The following CNN3 variants were observed in gnomAD, a reference collection of about 807,000 sequenced individuals.
CNN3 encodes the protein calponin 3.
A neutral mutation model predicts 39.0 loss-of-function variants in CNN3; 11 were observed. That is an observed-to-expected ratio of 0.28 (90% CI 0.18 to 0.47). The LOEUF (loss-of-function observed/expected upper bound fraction) is 0.47, where lower values mean the gene tolerates loss of function less well. Ranked by LOEUF, CNN3 falls within the 20% of genes least tolerant of loss-of-function variation. CNN3 has a pLI of 0.99. For missense variants in CNN3, 266 were observed against 403.4 expected, an observed-to-expected ratio of 0.66 and a Z score of 2.92; for synonymous variants, 101 against 138.3, an observed-to-expected ratio of 0.73 and a Z score of 1.89.
In CNN3 at chr1:94,920,842, C is replaced by T. The variant is rs116378448; in HGVS notation, c.57+5996G>A. Among the ~76,000 whole-genome samples, 422 of 152,220 alleles carry T rather than the reference C, an allele frequency of 2.8e-3. 1 individual carries two copies. The highest frequency in any genetic ancestry group is 8.7e-3 in the African/African-American group (363 of 41,514). On this transcript the variant is annotated intron_variant, in intron 1 of 6. Transcript: ENST00000370206. Reference sequence around the variant, plus strand: ...ATTTATATATTTTTCATAATGAGGACCCCCAAATTGTATAAACTTCGTCCC... The same window carrying T: ...ATTTATATATTTTTCATAATGAGGATCCCCAAATTGTATAAACTTCGTCCC...
chr1:94,921,928 G>A (rs1027149540), intron 1 of CNN3, among the ~76,000 whole-genome samples: 10 of 152,168 alleles, frequency 6.6e-5, no homozygotes, highest in Non-Finnish European at 1.3e-4. Context: ...CAAAGTCCCT[G>A]GCTGAATGGC....
chr1:94,925,881 C>A (rs956321659), intron 1 of CNN3: 36 of 932,622 alleles, frequency 3.9e-5, no homozygotes, highest in Non-Finnish European at 4.0e-5. Flanking sequence ...TCTCTCCCCC[C>A]AGAAACCCCT....
chr1:94,917,113 C>T (rs945690144), intron 1 of CNN3, among the ~76,000 whole-genome samples: 18 of 152,094 alleles, frequency 1.2e-4, no homozygotes, highest in African/African-American at 3.9e-4. Flanking sequence ...CTTGGCTCAC[C>T]GCAGCCTCTG....
intron 1 of CNN3, among the ~76,000 whole-genome samples, chr1:94,916,613 C>G (rs1361726514): frequency 1.3e-5 from 2 of 152,196 alleles, no homozygotes; most frequent in African/African-American, 4.8e-5. Flanking sequence ...GGTCTGCCCT[C>G]TCTGGACTCA....
At chr1:94,908,754 TG>T (rs1358366173) in intron 1 of CNN3, among the ~76,000 whole-genome samples, 1 of 152,152 alleles carries the variant, frequency 6.6e-6, no homozygotes, top group African/African-American at 2.4e-5. Context: ...TTGGTCAGGC[TG>T]GTCTTGAACT....
At chr1:94,901,421 A>G (rs1670865470) in intron 5 of CNN3, among the ~76,000 whole-genome samples, 1 of 151,818 alleles carries the variant, frequency 6.6e-6, no homozygotes, top group Non-Finnish European at 1.5e-5. Context: ...AAAAAAGACA[A>G]TATGATTCAA....
intron 5 of CNN3, among the ~76,000 whole-genome samples, chr1:94,901,396 CTTT>C (rs776675219): frequency 2.8e-5 from 3 of 106,648 alleles, no homozygotes; most frequent in East Asian, 2.6e-4. Context: ...GTGTATTTTT[CTTT>C]TTTAAAAAAA....
intron 1 of CNN3, among the ~76,000 whole-genome samples, chr1:94,919,868 T>C (rs1187067696): frequency 6.6e-6 from 1 of 151,976 alleles, no homozygotes; most frequent in Non-Finnish European, 1.5e-5. Flanking sequence ...TGAAGCTTCC[T>C]GGTCCCTCCC....
rs367704308 is a variant in CNN3, at chr1:94,924,704, A to G, written c.57+2134T>C. 5.3e-5 allele frequency among the ~76,000 whole-genome samples: 8 copies of G among 152,360 alleles called. No individual in the cohort carries two copies. In the East Asian group the frequency reaches 1.3e-3, roughly 26 times the overall value. On this transcript the variant is annotated intron_variant, in intron 1 of 6. Transcript: ENST00000370206. ...ACATCCCTAAGTACTTCACTCAACT[A>G]AGACATCGCTTTTAGAGTTAAAATT... is the stretch of plus-strand genomic sequence containing the variant.
intron 1 of CNN3, among the ~76,000 whole-genome samples, chr1:94,907,842 A>G (rs1390223371): frequency 6.6e-6 from 1 of 152,264 alleles, no homozygotes; most frequent in South Asian, 2.1e-4. Flanking sequence ...CCTGGGCAAC[A>G]GAGCAAGACT....
At chr1:94,915,698 AAG>A (rs1433862022) in intron 1 of CNN3, among the ~76,000 whole-genome samples, 1 of 152,212 alleles carries the variant, frequency 6.6e-6, no homozygotes, top group Non-Finnish European at 1.5e-5. Context: ...GGCCAATGGA[AAG>A]AGGAGAGTGA....
intron 1 of CNN3, among the ~76,000 whole-genome samples, chr1:94,906,414 A>G (rs1190292411): frequency 3.3e-5 from 5 of 152,222 alleles, no homozygotes; most frequent in Admixed American, 2.0e-4. Context: ...AAAAGGAGAA[A>G]AGAGTACTCC....
In CNN3 at chr1:94,923,286, C is replaced by G. The variant is rs1460047035; in HGVS notation, c.57+3552G>C. Among the ~76,000 whole-genome samples, 5 of 152,142 alleles carry G rather than the reference C, an allele frequency of 3.3e-5. No individual in the cohort carries two copies. The South Asian group carries it at 1.0e-3, about 32-fold the overall frequency. On this transcript the variant is annotated intron_variant, in intron 1 of 6. Transcript: ENST00000370206. Reference sequence around the variant, plus strand: ...TGGTTCCCAAGATGCATTCAAGGGCCTGGTTCAACCTGTAGAATACCTGTA... The same window carrying G: ...TGGTTCCCAAGATGCATTCAAGGGCGTGGTTCAACCTGTAGAATACCTGTA...
At chr1:94,898,735 G>A (rs1670787118) in intron 6 of CNN3, among the ~76,000 whole-genome samples, 1 of 152,186 alleles carries the variant, frequency 6.6e-6, no homozygotes. Context: ...GAGACATAAT[G>A]CCGCACCCGG....
At chr1:94,914,247 C>T (rs1316571164) in intron 1 of CNN3, among the ~76,000 whole-genome samples, 2 of 152,232 alleles carry the variant, frequency 1.3e-5, no homozygotes, top group East Asian at 1.9e-4. Flanking sequence ...CTTTCCATAA[C>T]GACAAGGCAC....
At chr1:94,900,191 T>C (rs1284495290) in intron 5 of CNN3, among the ~76,000 whole-genome samples, 3 of 152,180 alleles carry the variant, frequency 2.0e-5, no homozygotes, top group Admixed American at 2.0e-4. Context: ...TTTTCTGATG[T>C]TGGATCTTTT....
chr1:94,921,102 G>A (rs1400300723), intron 1 of CNN3, among the ~76,000 whole-genome samples: 2 of 152,174 alleles, frequency 1.3e-5, no homozygotes, highest in African/African-American at 4.8e-5. Flanking sequence ...CACTGAGAAA[G>A]AAAATGCAGG....
Position 94,903,129 on chromosome 1 carries a change from C to T in CNN3, c.239G>A (p.Trp80Ter). 1 of 1,598,820 alleles carries T rather than the reference C, an allele frequency of 6.3e-7. No individual in the cohort carries two copies. The highest frequency in any genetic ancestry group is 8.5e-7 in the Non-Finnish European group (1 of 1,171,214). Residue 80 changes from tryptophan to a stop codon, truncating the protein, a stop_gained, in exon 3 of 7, where the codon TGG (tryptophan) becomes TAG (stop). Coordinates refer to ENST00000370206, the MANE Select transcript of CNN3 (RefSeq NM_001839.5). LOFTEE classifies it high-confidence loss of function. Reference protein sequence around the residue: ...VKKVNESSLNWPQLENIGNFI... With the variant: ...VKKVNESSLN ...GGTTGGTTTGGCTGTTACCTGAGGC[C>T]AGTTCAGTGAGGACTCGTTGACCTT...
chr1:94,909,223 A>G (rs1671096183), intron 1 of CNN3, among the ~76,000 whole-genome samples: 1 of 152,194 alleles, frequency 6.6e-6, no homozygotes, highest in Non-Finnish European at 1.5e-5. Context: ...GGTGTCCCAA[A>G]GAGGTGAAAA....
Sources: gnomAD v4.1 joint callset for allele counts (sites outside exome capture counted in the v4.1 genomes callset) on GRCh38, gnomAD v4.1.1 for gene constraint, MANE v1.5 for transcripts, NCBI Gene and HGNC (gene_info 2026-07-23, HGNC 2026-07-21) for gene names.